ADAM10: variants seen among roughly 807,000 people sequenced by gnomAD.
ADAM10 encodes ADAM metallopeptidase domain 10, also known as disintegrin and metalloproteinase domain-containing protein 10.
In ADAM10, 17 loss-of-function variants were observed where a neutral mutation model predicts 90.1. The observed-to-expected ratio is 0.19, with a 90% CI of 0.13 to 0.28. ADAM10 has a LOEUF of 0.28. Among genes scored for constraint, ADAM10 ranks in the 10% least tolerant of loss-of-function variants. ADAM10 has a pLI of 1.00. For synonymous variants in ADAM10, 310 were observed against 298.6 expected, an observed-to-expected ratio of 1.04 and a Z score of -0.40; for missense variants, 610 against 914.3, an observed-to-expected ratio of 0.67 and a Z score of 4.29.
chr15:58,651,209 A>G (rs547251932), intron 5 of ADAM10, among the ~76,000 whole-genome samples: 2 of 152,308 alleles, frequency 1.3e-5, no homozygotes, highest in African/African-American at 4.8e-5. Context: ...ATCATGTTAA[A>G]TGGGGCATCC....
chr15:58,665,380 C>T (rs998838025), intron 4 of ADAM10, among the ~76,000 whole-genome samples, 183 bp from the exon 5 acceptor site: 3 of 152,130 alleles, frequency 2.0e-5, no homozygotes, highest in Non-Finnish European at 4.4e-5. Flanking sequence ...TTCCTAAGCT[C>T]TCCCTCAATA....
At chr15:58,731,106 G>GA (rs1899221578) in intron 1 of ADAM10, among the ~76,000 whole-genome samples, 1 of 152,000 alleles carries the variant, frequency 6.6e-6, no homozygotes, top group Admixed American at 6.6e-5. Flanking sequence ...TGTCTCTCTG[G>GA]AAAACCCTCA....
At chr15:58,746,022 G>A (rs1022637902) in intron 1 of ADAM10, among the ~76,000 whole-genome samples, 9 of 152,130 alleles carry the variant, frequency 5.9e-5, no homozygotes, top group Admixed American at 3.9e-4. Flanking sequence ...TAGTCCAGAG[G>A]CCACCTTTGA....
chr15:58,710,351 T>G (rs1476747142), intron 2 of ADAM10, among the ~76,000 whole-genome samples: 1 of 152,228 alleles, frequency 6.6e-6, no homozygotes, highest in Non-Finnish European at 1.5e-5. Flanking sequence ...CCTTTAGTCA[T>G]ATAAAATTCA....
rs114555622 is a variant in ADAM10 at position 58,680,606 on chromosome 15, G to A, written c.326-1324C>T. Among the ~76,000 whole-genome samples the A allele has an allele frequency of 3.3e-3, 507 of 152,240 alleles. 3 individuals carry two copies. The highest frequency in any genetic ancestry group is 0.012 in the African/African-American group (487 of 41,554). On this transcript the variant is annotated intron_variant, in intron 3 of 15. Coordinates refer to ENST00000260408, the MANE Select transcript of ADAM10 (RefSeq NM_001110.4). The stretch of plus-strand genomic sequence containing the variant: ...TTTTGGTTCTTAATATAATCACAAC[G>A]AAAAGGTGAGCACCAAAATCAAATG...
chr15:58,605,811 A>G (rs1252690300), intron 14 of ADAM10, among the ~76,000 whole-genome samples: 9 of 152,216 alleles, frequency 5.9e-5, no homozygotes, highest in African/African-American at 2.2e-4. Flanking sequence ...CAATACAGGC[A>G]CTTAAACATA....
intron 1 of ADAM10, among the ~76,000 whole-genome samples, chr15:58,738,868 TAAGACAC>T (rs1289348553): frequency 6.6e-6 from 1 of 152,214 alleles, no homozygotes; most frequent in Non-Finnish European, 1.5e-5. Context: ...CAATTTCTAA[TAAGACAC>T]AAGTACAGAC....
intron 2 of ADAM10, among the ~76,000 whole-genome samples, chr15:58,689,752 CA>C (rs1382757911): frequency 1.3e-5 from 2 of 151,614 alleles, no homozygotes; most frequent in African/African-American, 2.4e-5. Flanking sequence ...AAAACTATCA[CA>C]AAATATAGAA....
At chr15:58,640,236 G>A (rs1782276886) in intron 8 of ADAM10, among the ~76,000 whole-genome samples, 1 of 152,070 alleles carries the variant, frequency 6.6e-6, no homozygotes, top group South Asian at 2.1e-4. Flanking sequence ...GGGTACCAGG[G>A]GCTTCCTGCC....
intron 1 of ADAM10, among the ~76,000 whole-genome samples, chr15:58,743,007 G>C (rs1200052015): frequency 6.6e-6 from 1 of 152,074 alleles, no homozygotes; most frequent in East Asian, 1.9e-4. Flanking sequence ...GCAGTGAGCT[G>C]ACATCACACC....
At chr15:58,630,995 ACT>A (rs753421666) in intron 9 of ADAM10, among the ~76,000 whole-genome samples, 4 of 151,760 alleles carry the variant, frequency 2.6e-5, no homozygotes, top group South Asian at 2.1e-4. Flanking sequence ...GTGCATTCTC[ACT>A]CTCTTAGTTT....
chr15:58,627,530 T>C (rs1895982690), intron 10 of ADAM10, among the ~76,000 whole-genome samples, 170 bp downstream of exon 10: 1 of 152,058 alleles, frequency 6.6e-6, no homozygotes, highest in Non-Finnish European at 1.5e-5. Context: ...CAATAAAACA[T>C]GAATTGAGAG....
In ADAM10 at chr15:58,662,985, A is replaced by G. The variant is rs191409325; in HGVS notation, c.585+2112T>C. Among the ~76,000 whole-genome samples, 17 of 152,342 alleles carry G rather than the reference A, an allele frequency of 1.1e-4. No homozygotes were observed. The East Asian group carries it at 3.3e-3, about 29-fold the overall frequency. On this transcript the variant is annotated intron_variant, in intron 5 of 15. Transcript: ENST00000260408. Reference sequence around the variant, plus strand: ...CTCCAGCCAAGAAGGCAGGGAAATCACAGAGATATTTATTTCCTCACTCAG... The same window carrying G: ...CTCCAGCCAAGAAGGCAGGGAAATCGCAGAGATATTTATTTCCTCACTCAG...
chr15:58,617,526 C>T (rs1458911021), intron 11 of ADAM10, among the ~76,000 whole-genome samples: 5 of 152,110 alleles, frequency 3.3e-5, no homozygotes, highest in African/African-American at 1.2e-4. Flanking sequence ...ACTCTCACCA[C>T]TGTTATCAAT....
At chr15:58,720,109 A>C (rs995201096) in intron 1 of ADAM10, among the ~76,000 whole-genome samples, 3 of 152,222 alleles carry the variant, frequency 2.0e-5, no homozygotes, top group Admixed American at 2.0e-4. Context: ...TAACTTTTTT[A>C]AATCTCAGGA....
chr15:58,631,352 G>T (rs1352418000), intron 9 of ADAM10, among the ~76,000 whole-genome samples: 1 of 152,082 alleles, frequency 6.6e-6, no homozygotes, highest in Non-Finnish European at 1.5e-5. Context: ...GATTGAGCGT[G>T]GTAGGCAAAG....
At chr15:58,718,384 T>C (rs1041860429) in intron 1 of ADAM10, among the ~76,000 whole-genome samples, 11 of 152,322 alleles carry the variant, frequency 7.2e-5, no homozygotes, top group Admixed American at 7.2e-4. Flanking sequence ...TGTAATTTTG[T>C]TTAGAATTTT....
At chr15:58,690,497 A>G (rs1215931800) in intron 2 of ADAM10, among the ~76,000 whole-genome samples, 1 of 152,230 alleles carries the variant, frequency 6.6e-6, no homozygotes, top group African/African-American at 2.4e-5. Flanking sequence ...TTTATTTTAC[A>G]TACTTTCAGA....
chr15:58,623,912 A>G (rs1895858736), intron 10 of ADAM10, among the ~76,000 whole-genome samples: 1 of 151,352 alleles, frequency 6.6e-6, no homozygotes. Context: ...GTAAACCACC[A>G]TGGCACACGT....
Sources: gnomAD v4.1 joint callset for allele counts (sites outside exome capture counted in the v4.1 genomes callset) on GRCh38, gnomAD v4.1.1 for gene constraint, MANE v1.5 for transcripts, NCBI Gene and HGNC (gene_info 2026-07-23, HGNC 2026-07-21) for gene names.